Variants in VPS13C observed in about 807,000 individuals in gnomAD.
VPS13C encodes the protein vacuolar protein sorting 13 homolog C.
Under a neutral mutation model 456.8 loss-of-function variants are expected in VPS13C, and 358 were observed. The ratio of observed to expected loss-of-function variants is 0.78; its 90% confidence interval spans 0.72 to 0.86. VPS13C has a LOEUF of 0.86. VPS13C is among the 40% of genes least tolerant of loss of function. The pLI is 0.00. For missense variants in VPS13C, 4,818 were observed against 4,385.4 expected, an observed-to-expected ratio of 1.10 and a Z score of -2.79; for synonymous variants, 1,578 against 1,486.7, an observed-to-expected ratio of 1.06 and a Z score of -1.41.
intron 8 of VPS13C, 97 bp downstream of exon 8, chr15:62,023,314 G>T (rs1208752998): frequency 8.0e-5 from 58 of 726,038 alleles, no homozygotes; most frequent in Non-Finnish European, 6.2e-6. Context: ...ATTAATCTCG[G>T]ATTTAAAAAT....
intron 53 of VPS13C, among the ~76,000 whole-genome samples, chr15:61,924,615 TTAC>T (rs780803630): frequency 7.9e-4 from 120 of 152,350 alleles, no homozygotes; most frequent in Non-Finnish European, 1.5e-3. Context: ...TTTCCCTCAT[TTAC>T]TACTTTATAT....
At chr15:61,996,816 A>T (rs1376207431) in intron 16 of VPS13C, among the ~76,000 whole-genome samples, 1 of 148,908 alleles carries the variant, frequency 6.7e-6, no homozygotes, top group Non-Finnish European at 1.5e-5. Flanking sequence ...TTAGAGAGAG[A>T]AAAAAGACTG....
chr15:62,002,836 G>A (rs1367603169), intron 15 of VPS13C, among the ~76,000 whole-genome samples: 1 of 152,118 alleles, frequency 6.6e-6, no homozygotes, highest in Non-Finnish European at 1.5e-5. Flanking sequence ...TTGTAGATAC[G>A]AGGCGTTATT....
chr15:61,940,555 A>G, intron 47 of VPS13C, 92 bp downstream of exon 47: 1 of 1,251,272 alleles, frequency 8.0e-7, no homozygotes, highest in East Asian at 2.4e-5. Context: ...TAACGTAGCA[A>G]CTCCTACATT....
At chr15:61,873,513 G>A (rs1160695688) in intron 77 of VPS13C, 104 bp from the exon 78 acceptor site, 17 of 1,134,774 alleles carry the variant, frequency 1.5e-5, no homozygotes, top group Non-Finnish European at 2.0e-5. Flanking sequence ...CAAACGATCT[G>A]AATAAATATT....
At chr15:61,912,304 T>C (rs2043324960) in intron 62 of VPS13C, among the ~76,000 whole-genome samples, 1 of 152,206 alleles carries the variant, frequency 6.6e-6, no homozygotes, top group African/African-American at 2.4e-5. Context: ...TAAATTGCTT[T>C]ATAATTAGTG....
intron 12 of VPS13C, among the ~76,000 whole-genome samples, chr15:62,011,065 C>T (rs1310760367): frequency 6.6e-6 from 1 of 152,036 alleles, no homozygotes; most frequent in Non-Finnish European, 1.5e-5. Flanking sequence ...CTGCTCACCA[C>T]TTTATTATTG....
intron 9 of VPS13C, among the ~76,000 whole-genome samples, chr15:62,020,072 T>C (rs1328357952): frequency 2.6e-5 from 4 of 151,106 alleles, no homozygotes; most frequent in Non-Finnish European, 1.5e-5. Flanking sequence ...TTAATTTACA[T>C]ATTGCCCAAT....
rs202056315 is a variant in VPS13C at position 61,922,539 on chromosome 15, A to C, written c.6833T>G (p.Val2278Gly). The change falls in exon 54 of 85, where the codon GTT becomes GGT. Residue 2278 changes from valine to glycine, a missense_variant. Around this residue, in one of 3 missense-constraint regions of VPS13C, gnomAD observed 4,552 missense variants for 4,130.6 expected, o/e 1.10. Coordinates refer to ENST00000644861, the MANE Select transcript of VPS13C (RefSeq NM_020821.3). Reference sequence around the variant, plus strand: ...GGTAACTTGAATGGATTCTACAACAACACCACAATTTTCCTCTATCAGTGA... The same window carrying C: ...GGTAACTTGAATGGATTCTACAACACCACCACAATTTTCCTCTATCAGTGA... ...EHSLIEENCG[V>G]VVESIQVTLE... 67 of 1,614,092 alleles carry C rather than the reference A, an allele frequency of 4.2e-5. No individual in the cohort carries two copies. The highest frequency in any genetic ancestry group is 3.3e-4 in the Middle Eastern group (2 of 6,062).
At chr15:61,906,673 A>G (rs1419230998) in intron 66 of VPS13C, 2 of 153,356 alleles carry the variant, frequency 1.3e-5, no homozygotes, top group Non-Finnish European at 2.9e-5. Context: ...TTATTCATAC[A>G]GAAACTGGAT....
chr15:62,037,410 A>G (rs1329560963), intron 3 of VPS13C, among the ~76,000 whole-genome samples: 9 of 93,696 alleles, frequency 9.6e-5, no homozygotes, highest in Non-Finnish European at 1.3e-4. Flanking sequence ...ATATAAATAT[A>G]TATAATATGT....
chr15:62,060,164 T>A, intron 1 of VPS13C, 111 bp downstream of exon 1: 1 of 510,768 alleles, frequency 2.0e-6, no homozygotes, highest in African/African-American at 2.1e-5. Context: ...CGCACCGGGA[T>A]GGGGAGTCTC....
chr15:61,994,447 G>A (rs1275151404), intron 16 of VPS13C, among the ~76,000 whole-genome samples: 1 of 152,140 alleles, frequency 6.6e-6, no homozygotes, highest in Non-Finnish European at 1.5e-5. Context: ...GTACCTTGGG[G>A]AATTTGCCTG....
chr15:61,888,776 T>C (rs1896455127), intron 67 of VPS13C, among the ~76,000 whole-genome samples: 1 of 152,112 alleles, frequency 6.6e-6, no homozygotes, highest in Non-Finnish European at 1.5e-5. Flanking sequence ...ACTGTAATGG[T>C]GAATACAGGT....
At position 61,958,695 on chromosome 15, in the gene VPS13C, G is replaced by T; in HGVS notation, c.4078C>A (p.Leu1360Ile). 1.3e-6 allele frequency: 2 copies of T among 1,542,102 alleles called. No homozygotes were observed. Among genetic ancestry groups the T allele is most frequent in the African/African-American group, 1.4e-5 (1 of 70,554 alleles). ...GTTAGTATCCTAAATAAAAGATTAA[G>T]ATCTTCTTGATTTAGACTAACCTGT... Reference protein sequence around the residue: ...SMNVSLNQEDLNLLFRILTEN... With the variant: ...SMNVSLNQEDINLLFRILTEN... The change falls in exon 37 of 85, where the codon CTT becomes ATT. Residue 1360 changes from leucine (L) to isoleucine (I), a missense_variant. Transcript: ENST00000644861.
Position 61,915,695 on chromosome 15 carries a change from C to T in VPS13C, c.8383G>A (p.Ala2795Thr). The change falls in exon 61 of 85, where the codon GCT (alanine) becomes ACT (threonine). Residue 2795 changes from alanine to threonine, a missense_variant. By Grantham distance (58) the Ala-to-Thr change is moderately conservative (BLOSUM62 0). Transcript: ENST00000644861. The part of the protein sequence containing the change: ...RSEDIHVKHP[A>T]DFRDIILFSF... The stretch of plus-strand genomic sequence containing the variant: ...AATAAAATAATATCCCTGAAATCAG[C>T]TGGATGTTTCACATGAATATCTTCT... 6.2e-7 allele frequency: 1 copy of T among 1,610,392 alleles called. No individual in the cohort carries two copies.
At chr15:61,956,979 AT>A (rs1403533300) in intron 37 of VPS13C, among the ~76,000 whole-genome samples, 1 of 152,172 alleles carries the variant, frequency 6.6e-6, no homozygotes, top group Non-Finnish European at 1.5e-5. Context: ...AAAAGTGTAT[AT>A]AACTACGTCA....
chr15:62,021,250 A>G (rs1274860860), intron 8 of VPS13C, among the ~76,000 whole-genome samples: 1 of 151,924 alleles, frequency 6.6e-6, no homozygotes, highest in Non-Finnish European at 1.5e-5. Flanking sequence ...ACTATGCAGT[A>G]TATCATGTAA....
In VPS13C at chr15:62,023,792, C is replaced by A. The variant is rs371041492; in HGVS notation, c.502G>T (p.Asp168Tyr). 5 of 1,610,506 alleles carry A rather than the reference C, an allele frequency of 3.1e-6. No homozygotes were observed. In the African/African-American group the frequency reaches 5.4e-5, roughly 17 times the overall value. ...TACTTTTACCTACCTTTTGAACGAT[C>A]AAGACCTTTAAAAGGTTTCTTAAAA... ...KHFKKPFKGLDRSKDKPKEAK... is the reference protein window; with the variant it reads ...KHFKKPFKGLYRSKDKPKEAK... Residue 168 changes from aspartate (D) to tyrosine (Y), a missense_variant, in exon 7 of 85, where the codon GAT becomes TAT. This residue lies in a region of VPS13C where 4,552 missense variants were observed against 4,130.6 expected (regional missense o/e 1.10). Transcript: ENST00000644861.
Sources: gnomAD v4.1 joint callset for allele counts (sites outside exome capture counted in the v4.1 genomes callset) on GRCh38, gnomAD v4.1.1 for gene constraint, gnomAD v4.1.1 regional missense constraint, MANE v1.5 for transcripts, NCBI Gene and HGNC (gene_info 2026-07-23, HGNC 2026-07-21) for gene names.